The following BAZ1A variants were observed in gnomAD, a reference collection of about 807,000 sequenced individuals.
BAZ1A encodes bromodomain adjacent to zinc finger domain protein 1A.
BAZ1A carries 50 observed loss-of-function variants against 185.2 expected under a neutral mutation model. The ratio of observed to expected loss-of-function variants is 0.27; its 90% CI spans 0.22 to 0.34. BAZ1A has a LOEUF of 0.34. Ranked by LOEUF, BAZ1A falls within the 10% of genes least tolerant of loss-of-function variation. The pLI, the probability that BAZ1A is intolerant of heterozygous loss-of-function variation, is 1.00. For synonymous variants in BAZ1A, 571 were observed against 615.6 expected, an observed-to-expected ratio of 0.93 and a Z score of 1.07; for missense variants, 1,356 against 1,839.9, an observed-to-expected ratio of 0.74 and a Z score of 4.81.
At chr14:34,800,021 G>T (rs1315594134) in intron 9 of BAZ1A, among the ~76,000 whole-genome samples, 4 of 152,122 alleles carry the variant, frequency 2.6e-5, no homozygotes, top group African/African-American at 9.7e-5. Flanking sequence ...ATTTAGAACT[G>T]CATTCTAAAA....
rs533431810 is a variant in BAZ1A, at chr14:34,753,637, A to G, written c.4542T>C (p.Ser1514=). The G allele has an allele frequency of 1.9e-5, 31 of 1,613,966 alleles. No individual in the cohort carries two copies. The South Asian group carries it at 3.3e-4, about 17-fold the overall frequency. The stretch of plus-strand genomic sequence containing the variant: ...GAAGCCTAGTTCCAGCTTTTGCTTC[A>G]CTTGTGTTACGAGGGTTGTATTCAA... ...NCFEYNPRNT[S]EAKAGTRLQA... is the part of the protein sequence containing the mutation. Residue 1514 remains serine, a synonymous_variant, in exon 27 of 27, where the codon AGT becomes AGC. Transcript: ENST00000360310.
At chr14:34,864,729 C>CA (rs1403588574) in intron 2 of BAZ1A, among the ~76,000 whole-genome samples, 2 of 151,604 alleles carry the variant, frequency 1.3e-5, no homozygotes, top group African/African-American at 2.4e-5. Context: ...CTCAGCCTCC[C>CA]AAAGTGCTGG....
At chr14:34,783,482 T>C (rs1880186764) in intron 15 of BAZ1A, among the ~76,000 whole-genome samples, 1 of 150,772 alleles carries the variant, frequency 6.6e-6, no homozygotes, top group African/African-American at 2.4e-5. Context: ...ATTACAGGCA[T>C]GCACCACCAC....
intron 6 of BAZ1A, among the ~76,000 whole-genome samples, chr14:34,805,690 TA>T (rs372754684): frequency 4.5e-3 from 680 of 152,348 alleles, no homozygotes; most frequent in Non-Finnish European, 6.8e-3. Flanking sequence ...CTCACATTTT[TA>T]AAAAATTATT....
In BAZ1A at chr14:34,874,914, C is replaced by T. The variant is rs1443629818; in HGVS notation, c.-59+224G>A. 5.8e-6 allele frequency: 1 copy of T among 171,728 alleles called. No individual in the cohort carries two copies. Among genetic ancestry groups the T allele is most frequent in the Admixed American group, 6.4e-5 (1 of 15,720 alleles). 10.6% of individuals were successfully genotyped at this position (171,728 alleles called of 1,614,324 possible). Reference sequence around the variant, plus strand: ...CCTCACAATGGGGCAGGACGCCCCGCCGCGGGGGGCAGTGCGGGAGCGGCG... The same window carrying T: ...CCTCACAATGGGGCAGGACGCCCCGTCGCGGGGGGCAGTGCGGGAGCGGCG... On this transcript the variant is annotated intron_variant, in intron 1 of 26. Transcript: ENST00000360310. This position sits in a 1 kb window ranked among gnomAD's most constrained non-coding sequence, Gnocchi z 4.7.
intron 16 of BAZ1A, 30 bp from the exon 17 acceptor site, chr14:34,780,340 C>T: frequency 6.3e-7 from 1 of 1,583,084 alleles, no homozygotes; most frequent in Non-Finnish European, 8.6e-7. Context: ...ATGACATTTA[C>T]TAATGAATAT....
chr14:34,830,234 A>C (rs1432407431), intron 3 of BAZ1A, among the ~76,000 whole-genome samples: 3 of 152,176 alleles, frequency 2.0e-5, no homozygotes, highest in Non-Finnish European at 4.4e-5. Flanking sequence ...AATTATAAAC[A>C]ATCCAAATAT....
chr14:34,792,044 A>G (rs547215738), intron 12 of BAZ1A, among the ~76,000 whole-genome samples: 1 of 152,228 alleles, frequency 6.6e-6, no homozygotes, highest in African/African-American at 2.4e-5. Flanking sequence ...CAGATCTAAA[A>G]TGAAATCAGC....
chr14:34,841,631 C>T (rs2042416587), intron 3 of BAZ1A, among the ~76,000 whole-genome samples: 1 of 152,238 alleles, frequency 6.6e-6, no homozygotes, highest in South Asian at 2.1e-4. Flanking sequence ...CTCAACACAC[C>T]TGCCTCGGCC....
At position 34,762,286 on chromosome 14, in the gene BAZ1A, T is replaced by TA; in HGVS notation, c.3777-64dup. The TA allele has an allele frequency of 2.7e-6, 4 of 1,459,210 alleles. No individual in the cohort carries two copies. In the East Asian group the frequency reaches 9.1e-5, roughly 33 times the overall value. The allele number at this position is 1,459,210 out of a possible 1,614,324, so 90.4% of individuals were successfully genotyped here. Reference sequence around the variant, plus strand: ...GCAATGATGAACATATGATTAGCTCTATTCTCCTTGTTGTATTTAGCCAAT... The same window carrying TA: ...GCAATGATGAACATATGATTAGCTCTAATTCTCCTTGTTGTATTTAGCCAAT... On this transcript the variant is annotated intron_variant, in intron 23 of 26. Transcript: ENST00000360310.
At chr14:34,845,764 G>C (rs2042499953) in intron 3 of BAZ1A, among the ~76,000 whole-genome samples, 2 of 151,800 alleles carry the variant, frequency 1.3e-5, no homozygotes, top group South Asian at 2.1e-4. Flanking sequence ...GGGAGGCTGA[G>C]GCAGGAGAAT....
chr14:34,840,069 A>G lies in BAZ1A; in HGVS notation c.393-13913T>C, dbSNP rs187610605. Among the ~76,000 whole-genome samples, 74 of 152,276 alleles carry G rather than the reference A, an allele frequency of 4.9e-4. 1 individual carries two copies. Among genetic ancestry groups the G allele is most frequent in the Admixed American group, 4.8e-3 (74 of 15,296 alleles). ...TAGAATAAAAGCTTATCTGAATACA[A>G]GTTTTTATTTGATTTAAATTATTCT... On this transcript the variant is annotated intron_variant, in intron 3 of 26. Transcript: ENST00000360310.
At chr14:34,818,209 T>C (rs931644140) in intron 4 of BAZ1A, among the ~76,000 whole-genome samples, 1 of 152,190 alleles carries the variant, frequency 6.6e-6, no homozygotes, top group African/African-American at 2.4e-5. Context: ...CCTGAAAACA[T>C]GCTAAGTGAA....
At position 34,874,384 on chromosome 14, in the gene BAZ1A, C is replaced by G. The variant is rs188024554; in HGVS notation, c.113+108G>C. On this transcript the variant is annotated intron_variant, in intron 2 of 26. Coordinates refer to ENST00000360310, the MANE Select transcript of BAZ1A (RefSeq NM_013448.3). This position sits in a 1 kb window ranked among gnomAD's most constrained non-coding sequence, Gnocchi z 4.7. ...GGGCCCGGGGGCCACCCGTCACTTT[C>G]AAGTCGCCCCGCCAGAAGCCCAGGG... 4.5e-3 allele frequency: 5,135 copies of G among 1,135,728 alleles called. 132 individuals carry two copies. In the Admixed American group the frequency reaches 0.065, roughly 14 times the overall value. 70.4% of individuals were successfully genotyped at this position (1,135,728 alleles called of 1,614,324 possible).
chr14:34,854,264 A>G (rs1423456588), intron 3 of BAZ1A, among the ~76,000 whole-genome samples: 1 of 151,930 alleles, frequency 6.6e-6, no homozygotes, highest in African/African-American at 2.4e-5. Flanking sequence ...CTGTCTAAAA[A>G]TACAAAAATT....
chr14:34,814,204 C>G (rs1034409834), intron 4 of BAZ1A, among the ~76,000 whole-genome samples: 1 of 151,620 alleles, frequency 6.6e-6, no homozygotes, highest in Non-Finnish European at 1.5e-5. Flanking sequence ...AGAGCTTGAT[C>G]AAGTATATTA....
At chr14:34,873,571 G>A (rs1279874907) in intron 2 of BAZ1A, among the ~76,000 whole-genome samples, 1 of 151,966 alleles carries the variant, frequency 6.6e-6, no homozygotes, top group East Asian at 1.9e-4. Context: ...CATGCGCAGG[G>A]GGATAAAGCG....
chr14:34,758,053 ATTGTT>A (rs1459530397), intron 25 of BAZ1A, among the ~76,000 whole-genome samples: 1 of 140,116 alleles, frequency 7.1e-6, no homozygotes, highest in Non-Finnish European at 1.5e-5. Flanking sequence ...GGCCAACCCT[ATTGTT>A]TTGAACATAG....
chr14:34,851,329 G>C (rs1594902012), intron 3 of BAZ1A, among the ~76,000 whole-genome samples: 1 of 62,208 alleles, frequency 1.6e-5, no homozygotes, highest in South Asian at 6.8e-4. Context: ...TGGGACCCTA[G>C]CTCAAAAAAA....
Sources: gnomAD v4.1 joint callset for allele counts (sites outside exome capture counted in the v4.1 genomes callset) on GRCh38, gnomAD v4.1.1 for gene constraint, Gnocchi (gnomAD v3.1) non-coding constraint, MANE v1.5 for transcripts, NCBI Gene and HGNC (gene_info 2026-07-23, HGNC 2026-07-21) for gene names.